Variants in NBEA observed in about 807,000 individuals in gnomAD.
NBEA encodes the protein neurobeachin, also known as lysosomal-trafficking regulator 2.
NBEA carries 44 observed loss-of-function variants against 343.4 expected under a neutral mutation model. That is an observed-to-expected ratio of 0.13 (90% CI 0.10 to 0.16). The LOEUF (loss-of-function observed/expected upper bound fraction) is 0.16, where lower values mean the gene tolerates loss of function less well. Ranked by LOEUF, NBEA falls within the 10% of genes least tolerant of loss-of-function variation. The pLI is 1.00. For synonymous variants in NBEA, 1,175 were observed against 1,238.7 expected (o/e 0.95, Z 1.08); for missense variants, 2,555 against 3,631.3 (o/e 0.70, Z 7.62).
chr13:35,334,190 A>C (rs755467941), intron 36 of NBEA, among the ~76,000 whole-genome samples: 54 of 152,088 alleles, frequency 3.6e-4, no homozygotes, highest in Non-Finnish European at 6.9e-4. Flanking sequence ...CTTTTTCTCC[A>C]CATCCTCGCC....
chr13:34,980,782 T>C (rs1004896748), intron 1 of NBEA, among the ~76,000 whole-genome samples: 4 of 152,098 alleles, frequency 2.6e-5, no homozygotes, highest in East Asian at 1.9e-4. Context: ...GTTGAAAAAG[T>C]TTTTCCTCTT....
At chr13:34,943,949 A>G (rs1232529775) in intron 1 of NBEA, among the ~76,000 whole-genome samples, 2 of 152,240 alleles carry the variant, frequency 1.3e-5, no homozygotes, top group African/African-American at 2.4e-5. Context: ...CGCTATCTAC[A>G]GAGAGGCTCA....
chr13:35,032,781 C>G (rs1199435784), intron 1 of NBEA, among the ~76,000 whole-genome samples: 1 of 151,546 alleles, frequency 6.6e-6, no homozygotes, highest in Non-Finnish European at 1.5e-5. Flanking sequence ...TTTCATATGC[C>G]CATTTGCCAT....
chr13:35,457,970 T>G (rs2046676712), intron 40 of NBEA, among the ~76,000 whole-genome samples: 2 of 152,240 alleles, frequency 1.3e-5, no homozygotes, highest in Admixed American at 1.3e-4. Context: ...ATTTATCAGT[T>G]CATTAGTTGA....
chr13:35,209,569 T>C (rs2073627700), intron 32 of NBEA, among the ~76,000 whole-genome samples: 1 of 151,918 alleles, frequency 6.6e-6, no homozygotes, highest in African/African-American at 2.4e-5. Context: ...CTTACCCAAA[T>C]CTTTGTGATT....
intron 1 of NBEA, among the ~76,000 whole-genome samples, chr13:34,965,575 TC>T (rs1463823669): frequency 6.6e-6 from 1 of 152,002 alleles, no homozygotes; most frequent in Non-Finnish European, 1.5e-5. Context: ...AGTGTTTTCT[TC>T]CTAGAAATGT....
chr13:35,160,024 A>G lies in NBEA; in HGVS notation c.3853A>G (p.Thr1285Ala), dbSNP rs764315836. 2 of 1,573,982 alleles carry G rather than the reference A, an allele frequency of 1.3e-6. No homozygotes were observed. The highest frequency in any genetic ancestry group is 1.2e-5 in the South Asian group (1 of 83,704). ...KEIRKIQTTT[T>A]TQAVQGRSIT... is the part of the protein sequence containing the mutation. Reference sequence around the variant, plus strand: ...AATCCGAAAAATCCAAACAACTACTACGACACAAGTAAGCTACCTTATATG... The same window carrying G: ...AATCCGAAAAATCCAAACAACTACTGCGACACAAGTAAGCTACCTTATATG... The change falls in exon 22 of 59, where the codon ACG becomes GCG. Residue 1285 changes from threonine to alanine, a missense_variant. Thr to Ala is a moderately conservative substitution (Grantham distance 58). Around this residue, in one of 21 missense-constraint regions of NBEA, gnomAD observed 367 missense variants for 377.5 expected, o/e 0.97. Transcript: ENST00000379939.
chr13:35,161,897 T>G lies in NBEA; in HGVS notation c.4009T>G (p.Ser1337Ala). ...GTTTCGTATTCCTGAGTTTAAATGG[T>G]CTCCAATGCACCAGCGGCTTCTCAC... is the stretch of plus-strand genomic sequence containing the variant. ...TMFRIPEFKW[S>A]PMHQRLLTDL... Residue 1337 changes from serine (S) to alanine (A), a missense_variant, in exon 23 of 59, where the codon TCT (serine) becomes GCT (alanine). Around this residue, in one of 21 missense-constraint regions of NBEA, gnomAD observed 69 missense variants for 128.8 expected, o/e 0.54. Coordinates refer to ENST00000379939, the MANE Select transcript of NBEA (RefSeq NM_001385012.1). 1 of 1,581,092 alleles carries G rather than the reference T, an allele frequency of 6.3e-7. No homozygotes were observed. Among genetic ancestry groups the G allele is most frequent in the Non-Finnish European group, 8.6e-7 (1 of 1,163,182 alleles).
intron 38 of NBEA, among the ~76,000 whole-genome samples, chr13:35,370,317 A>G (rs1351758548): frequency 1.3e-5 from 2 of 151,454 alleles, no homozygotes; most frequent in Admixed American, 6.6e-5. Context: ...ATTGCTTTTG[A>G]CTTAAAGTCT....
intron 47 of NBEA, among the ~76,000 whole-genome samples, chr13:35,603,471 G>A (rs2082147393): frequency 6.6e-6 from 1 of 152,098 alleles, no homozygotes; most frequent in Non-Finnish European, 1.5e-5. Flanking sequence ...CAGTGAAATT[G>A]CATTGTAGTG....
intron 36 of NBEA, among the ~76,000 whole-genome samples, chr13:35,343,856 G>A (rs1435089784): frequency 6.6e-6 from 1 of 152,030 alleles, no homozygotes; most frequent in African/African-American, 2.4e-5. Flanking sequence ...ATGGTGAGTT[G>A]TATAATTATT....
intron 31 of NBEA, among the ~76,000 whole-genome samples, 171 bp from the exon 32 acceptor site, chr13:35,208,529 A>G (rs556714659): frequency 6.6e-6 from 1 of 152,286 alleles, no homozygotes; most frequent in South Asian, 2.1e-4. Flanking sequence ...ATATATCCTT[A>G]ATGTCCATAT....
intron 1 of NBEA, among the ~76,000 whole-genome samples, chr13:35,030,406 C>A (rs1008528049): frequency 6.6e-6 from 1 of 151,336 alleles, no homozygotes; most frequent in Non-Finnish European, 1.5e-5. Flanking sequence ...AAATCTACAC[C>A]TCTGACTTCA....
At chr13:35,393,028 A>G (rs1445916054) in intron 38 of NBEA, among the ~76,000 whole-genome samples, 1 of 152,174 alleles carries the variant, frequency 6.6e-6, no homozygotes, top group Non-Finnish European at 1.5e-5. Flanking sequence ...CTATTCAGTA[A>G]TTATGATCTA....
chr13:35,501,385 T>C (rs2076881773), intron 41 of NBEA, among the ~76,000 whole-genome samples: 1 of 152,170 alleles, frequency 6.6e-6, no homozygotes, highest in Non-Finnish European at 1.5e-5. Flanking sequence ...TAACATAGAT[T>C]TTCAATTAAA....
intron 34 of NBEA, among the ~76,000 whole-genome samples, chr13:35,239,716 G>A (rs924698840): frequency 1.3e-5 from 2 of 151,904 alleles, no homozygotes; most frequent in African/African-American, 2.4e-5. Context: ...TACTATACTA[G>A]TAGCCCTGTC....
At chr13:35,251,322 T>A (rs1347906232) in intron 34 of NBEA, 4 of 944,944 alleles carry the variant, frequency 4.2e-6, no homozygotes, top group Non-Finnish European at 5.1e-6. Flanking sequence ...GCTTCCAGCC[T>A]GTCACTGCCA....
At chr13:35,258,284 C>T (rs751103763) in intron 34 of NBEA, among the ~76,000 whole-genome samples, 18 of 151,954 alleles carry the variant, frequency 1.2e-4, no homozygotes, top group Admixed American at 8.5e-4. Flanking sequence ...TCTCCTGCCT[C>T]AGCCTCCTGA....
intron 41 of NBEA, among the ~76,000 whole-genome samples, chr13:35,529,091 A>G (rs2078127831): frequency 6.8e-6 from 1 of 147,498 alleles, no homozygotes; most frequent in Non-Finnish European, 1.5e-5. Context: ...TGTGCTAGGT[A>G]CCCTACACCC....
Sources: allele counts gnomAD v4.1 joint callset (sites outside exome capture counted in the v4.1 genomes callset), GRCh38; gene constraint gnomAD v4.1.1; regional missense constraint gnomAD v4.1.1; transcripts MANE v1.5; gene names NCBI Gene and HGNC (gene_info 2026-07-23, HGNC 2026-07-21).